The following CDC73 variants were observed in gnomAD, a reference collection of about 807,000 sequenced individuals.
The protein encoded by CDC73 is parafibromin.
A neutral mutation model predicts 83.7 loss-of-function variants in CDC73; 21 were observed. That is an observed-to-expected ratio of 0.25 (90% CI 0.18 to 0.36). CDC73 has a LOEUF of 0.36. CDC73 is among the 10% of genes least tolerant of loss of function. CDC73 has a pLI of 1.00. For missense variants in CDC73, 342 were observed against 653.3 expected (o/e 0.52, Z 5.19); for synonymous variants, 224 against 212.9 (o/e 1.05, Z -0.45).
In CDC73 at chr1:193,150,309, C is replaced by T. The variant is rs886045714; in HGVS notation, c.834C>T (p.Pro278=). Residue 278 remains proline (P), a synonymous_variant, in exon 9 of 17, where the codon CCC becomes CCT. Transcript: ENST00000367435. ...CATAATTAATTTTTTTACAGGATCCCACTTTGCGCACCAAACAGCCTATCC... is the reference window on the plus strand; with the variant it reads ...CATAATTAATTTTTTTACAGGATCCTACTTTGCGCACCAAACAGCCTATCC... ...RPAPNAAPVD[P]TLRTKQPIPA... is the part of the protein sequence containing the mutation. 1 of 1,606,670 alleles carries T rather than the reference C, an allele frequency of 6.2e-7. No individual in the cohort carries two copies. Among genetic ancestry groups the T allele is most frequent in the Non-Finnish European group, 8.5e-7 (1 of 1,173,262 alleles).
chr1:193,237,236 C>T (rs1012479464), intron 15 of CDC73: 5 of 152,028 alleles, frequency 3.3e-5, no homozygotes, highest in African/African-American at 1.2e-4. Context: ...TTAGCAGCCC[C>T]AGTTTTTGTT....
chr1:193,163,918 A>T (rs1162377277), intron 10 of CDC73, among the ~76,000 whole-genome samples: 1 of 151,930 alleles, frequency 6.6e-6, no homozygotes, highest in African/African-American at 2.4e-5. Context: ...AGCTGGTATT[A>T]CAGGTGCCCG....
chr1:193,249,897 G>A (rs201430562), intron 16 of CDC73, 26 bp downstream of exon 16: 2 of 1,608,528 alleles, frequency 1.2e-6, no homozygotes, highest in East Asian at 2.2e-5. Flanking sequence ...AAATATGCTT[G>A]TGTGTGTTTT....
At position 193,122,287 on chromosome 1, in the gene CDC73, G is replaced by A. The variant is rs752004076; in HGVS notation, c.87G>A (p.Glu29=). 3.1e-6 allele frequency: 5 copies of A among 1,614,190 alleles called. No individual in the cohort carries two copies. The highest frequency in any genetic ancestry group is 4.2e-6 in the Non-Finnish European group (5 of 1,180,000). Residue 29 remains glutamate, a synonymous_variant, in exon 1 of 17, where the codon GAG becomes GAA. Transcript: ENST00000367435. ...VVKGDEVIFG[E]FSWPKNVKTN... ...AGGGAGACGAAGTGATCTTCGGGGA[G>A]TTCTCCTGGCCCAAGAATGTGAAGA...
intron 13 of CDC73, among the ~76,000 whole-genome samples, chr1:193,220,306 G>A (rs1677445388): frequency 6.6e-6 from 1 of 151,814 alleles, no homozygotes; most frequent in Non-Finnish European, 1.5e-5. Context: ...TGGGATTACA[G>A]GCGTGCGGCA....
chr1:193,231,989 A>G (rs1677669773), intron 13 of CDC73, among the ~76,000 whole-genome samples: 1 of 152,190 alleles, frequency 6.6e-6, no homozygotes, highest in Non-Finnish European at 1.5e-5. Context: ...TATTTAGAAA[A>G]TAAGACTTTT....
chr1:193,122,672 G>A, intron 1 of CDC73: 1 of 226,744 alleles, frequency 4.4e-6, no homozygotes, highest in Non-Finnish European at 8.9e-6. Context: ...GCACAAAGGA[G>A]CACACCGTCT....
intron 5 of CDC73, among the ~76,000 whole-genome samples, chr1:193,136,215 C>CAT: frequency 6.6e-6 from 1 of 152,080 alleles, no homozygotes; most frequent in Non-Finnish European, 1.5e-5. Context: ...CATAAATGAA[C>CAT]AGATGTGGCT....
chr1:193,143,008 A>G (rs1394238612), intron 7 of CDC73, among the ~76,000 whole-genome samples: 2 of 152,138 alleles, frequency 1.3e-5, no homozygotes, highest in Non-Finnish European at 2.9e-5. Context: ...GAAGTGTGCA[A>G]AGTTACTTGT....
At chr1:193,180,347 C>T in intron 10 of CDC73, 1 of 1,605,466 alleles carries the variant, frequency 6.2e-7, no homozygotes, top group South Asian at 1.1e-5. Flanking sequence ...GCTGCGTTGG[C>T]ACAGGCATTG....
At chr1:193,234,630 T>G in intron 14 of CDC73, among the ~76,000 whole-genome samples, 1 of 152,066 alleles carries the variant, frequency 6.6e-6, no homozygotes, top group East Asian at 1.9e-4. Context: ...CCTTTAATTG[T>G]CCTTCCAAGA....
rs1362533864 is a variant in CDC73 at position 193,238,202 on chromosome 1, G to A, written c.1417+1846G>A. ...ATGAACTGTTCTTTCTCTTTCACCT[G>A]TTCCTTCTATACTGACTCCTTTTTC... On this transcript the variant is annotated intron_variant, in intron 15 of 16. Transcript: ENST00000367435. Among the ~76,000 whole-genome samples the A allele has an allele frequency of 2.0e-5, 3 of 152,212 alleles. No individual in the cohort carries two copies. The South Asian group carries it at 6.2e-4, about 32-fold the overall frequency.
chr1:193,138,423 A>G (rs182400252), intron 6 of CDC73, among the ~76,000 whole-genome samples: 30 of 152,300 alleles, frequency 2.0e-4, no homozygotes, highest in Admixed American at 1.7e-3. Flanking sequence ...AAGCTGAGAA[A>G]TTCATTTTAT....
In CDC73 at chr1:193,252,248, G is replaced by A. The variant is rs541013513; in HGVS notation, c.*1536G>A. ...CTACCCCTATTTTCCTCCCTTTTTA[G>A]CGTCTTCTTTCCTTAAAGATAAAAG... On this transcript the variant is annotated 3_prime_UTR_variant, in exon 17 of 17. Coordinates refer to ENST00000367435, the MANE Select transcript of CDC73 (RefSeq NM_024529.5). 6.1e-5 allele frequency: 14 copies of A among 230,506 alleles called. No individual in the cohort carries two copies. Among genetic ancestry groups the A allele is most frequent in the Non-Finnish European group, 1.1e-4 (13 of 116,494 alleles). The allele number at this position is 230,506 out of a possible 1,614,324, so 14.3% of individuals were successfully genotyped here. A position where few individuals can be genotyped will look rare whatever the true frequency, so the allele number is the denominator to read the frequency against.
intron 3 of CDC73, among the ~76,000 whole-genome samples, chr1:193,131,425 G>C (rs1017177499): frequency 1.3e-5 from 2 of 152,202 alleles, no homozygotes; most frequent in Middle Eastern, 3.4e-3. Context: ...TTGCTTTTTA[G>C]ATTATTGTAT....
chr1:193,186,007 A>T (rs1359414807), intron 10 of CDC73: 2 of 152,302 alleles, frequency 1.3e-5, no homozygotes, highest in African/African-American at 2.4e-5. Flanking sequence ...CATACACAAG[A>T]TATTGACATA....
chr1:193,241,427 G>A (rs1208124087), intron 15 of CDC73, among the ~76,000 whole-genome samples: 1 of 152,232 alleles, frequency 6.6e-6, no homozygotes, highest in Non-Finnish European at 1.5e-5. Context: ...TGAGTCCCAA[G>A]GCCACGTATG....
At chr1:193,234,280 A>AATTTATTATT (rs1553291197) in intron 14 of CDC73, among the ~76,000 whole-genome samples, 4 of 138,098 alleles carry the variant, frequency 2.9e-5, no homozygotes, top group Non-Finnish European at 6.2e-5. Flanking sequence ...TAATATATAT[A>AATTTATTATT]ATATACATAT....
intron 6 of CDC73, chr1:193,141,033 A>G (rs989940404): frequency 2.6e-5 from 4 of 152,264 alleles, no homozygotes; most frequent in African/African-American, 9.6e-5. Flanking sequence ...GTATAATACT[A>G]CTGTATTTAA....
Sources: allele counts gnomAD v4.1 joint callset (sites outside exome capture counted in the v4.1 genomes callset), GRCh38; gene constraint gnomAD v4.1.1; transcripts MANE v1.5; gene names NCBI Gene and HGNC (gene_info 2026-07-23, HGNC 2026-07-21).